PHF2: variants seen among roughly 807,000 people sequenced by gnomAD.
The protein encoded by PHF2 is lysine-specific demethylase PHF2.
Under a neutral mutation model 120.5 loss-of-function variants are expected in PHF2, and 27 were observed. That is an observed-to-expected ratio of 0.22 (90% CI 0.17 to 0.31). PHF2 has a LOEUF of 0.31. PHF2 is among the 10% of genes least tolerant of loss of function. The pLI, the probability that PHF2 is intolerant of heterozygous loss-of-function variation, is 1.00. For synonymous variants in PHF2, 568 were observed against 592.5 expected (o/e 0.96, Z 0.60); for missense variants, 1,024 against 1,434.8 (o/e 0.71, Z 4.63).
chr9:93,673,590 C>A lies in PHF2; in HGVS notation c.2354C>A (p.Pro785His). The part of the protein sequence containing the change: ...GALEYNPSSQ[P>H]PASPSTQEAI... ...CTGTCTCTCTGTGCCCCTAGCCAGC[C>A]CCCGGCCTCCCCCAGCACACAGGAA... is the stretch of plus-strand genomic sequence containing the variant. Residue 785 changes from proline to histidine, a missense_variant, in exon 18 of 22, where the codon CCC (proline) becomes CAC (histidine). Coordinates refer to ENST00000359246, the MANE Select transcript of PHF2 (RefSeq NM_005392.4). 6.4e-7 allele frequency: 1 copy of A among 1,563,322 alleles called. No individual in the cohort carries two copies.
intron 1 of PHF2, among the ~76,000 whole-genome samples, chr9:93,612,708 T>C (rs1226644839): frequency 6.6e-6 from 1 of 152,212 alleles, no homozygotes; most frequent in Non-Finnish European, 1.5e-5. Context: ...TTTTGAGTCT[T>C]GATGTTTTTC....
intron 1 of PHF2, among the ~76,000 whole-genome samples, chr9:93,604,210 C>T (rs574790037): frequency 1.3e-5 from 2 of 152,176 alleles, no homozygotes; most frequent in South Asian, 4.1e-4. Context: ...GCAAGGGTGG[C>T]ATAGTGCAGG....
At position 93,673,748 on chromosome 9, in the gene PHF2, G is replaced by T; in HGVS notation, c.2512G>T (p.Gly838Cys). The change falls in exon 18 of 22, where the codon GGC becomes TGC. Residue 838 changes from glycine (G) to cysteine (C), a missense_variant. Gly to Cys is a radical substitution (Grantham distance 159). Transcript: ENST00000359246. Reference protein sequence around the residue: ...HGARKNGGGSGKSAGKRLLKR... With the variant: ...HGARKNGGGSCKSAGKRLLKR... ...TGCCCGGAAGAATGGGGGTGGCAGT[G>T]GCAAGAGTGCAGGCAAACGACTGCT... The T allele has an allele frequency of 6.2e-7, 1 of 1,613,466 alleles. No individual in the cohort carries two copies. Among genetic ancestry groups the T allele is most frequent in the Non-Finnish European group, 8.5e-7 (1 of 1,179,804 alleles).
At chr9:93,578,170 ATGTC>A (rs939386721) in intron 1 of PHF2, among the ~76,000 whole-genome samples, 2 of 152,148 alleles carry the variant, frequency 1.3e-5, no homozygotes, top group African/African-American at 4.8e-5. Flanking sequence ...AGGGCCTGCT[ATGTC>A]TGTCAGCCCC....
intron 17 of PHF2, among the ~76,000 whole-genome samples, chr9:93,670,293 G>A (rs944005243): frequency 1.3e-5 from 2 of 152,226 alleles, no homozygotes; most frequent in African/African-American, 4.8e-5. Context: ...GGGCTGCCTT[G>A]TCCTGGGGCC....
At chr9:93,655,237 C>T (rs1440480073) in intron 7 of PHF2, among the ~76,000 whole-genome samples, 4 of 150,726 alleles carry the variant, frequency 2.7e-5, no homozygotes, top group Non-Finnish European at 5.9e-5. Context: ...ATCAAATAGC[C>T]AATTGGTGTT....
chr9:93,630,216 C>T (rs1297946112), intron 2 of PHF2, among the ~76,000 whole-genome samples, 161 bp downstream of exon 2: 2 of 152,228 alleles, frequency 1.3e-5, no homozygotes, highest in Non-Finnish European at 2.9e-5. Context: ...GCCAGCCTAG[C>T]TTACTGTCCC....
rs893637981 is a variant in PHF2 at position 93,581,399 on chromosome 9, A to T, written c.98+4528A>T. Among the ~76,000 whole-genome samples the T allele has an allele frequency of 5.3e-5, 8 of 152,196 alleles. No individual in the cohort carries two copies. The East Asian group carries it at 1.5e-3, about 29-fold the overall frequency. ...CTGACAGTTAAATCCTAGAACCTCAAATGCCGGGGAGTACTGGGGGAAGGG... is the reference window on the plus strand; with the variant it reads ...CTGACAGTTAAATCCTAGAACCTCATATGCCGGGGAGTACTGGGGGAAGGG... On this transcript the variant is annotated intron_variant, in intron 1 of 21. Transcript: ENST00000359246.
chr9:93,620,519 G>A (rs554215894), intron 1 of PHF2, among the ~76,000 whole-genome samples: 2 of 152,374 alleles, frequency 1.3e-5, no homozygotes, highest in East Asian at 1.9e-4. Flanking sequence ...GGTGGCCCAC[G>A]ATGGGCTTCC....
At chr9:93,606,131 A>C (rs1825538852) in intron 1 of PHF2, among the ~76,000 whole-genome samples, 1 of 151,998 alleles carries the variant, frequency 6.6e-6, no homozygotes, top group South Asian at 2.1e-4. Flanking sequence ...CACCGTGCTC[A>C]GCTAATTTTT....
chr9:93,623,659 C>T (rs1253459678), intron 1 of PHF2, among the ~76,000 whole-genome samples: 1 of 152,222 alleles, frequency 6.6e-6, no homozygotes, highest in Admixed American at 6.5e-5. Flanking sequence ...TATGAAGATG[C>T]TCTCACTTTG....
At chr9:93,653,562 C>A (rs914345456) in intron 6 of PHF2, among the ~76,000 whole-genome samples, 197 bp downstream of exon 6, 1 of 152,188 alleles carries the variant, frequency 6.6e-6, no homozygotes, top group Non-Finnish European at 1.5e-5. Flanking sequence ...ACCAGAGAAC[C>A]GCATGAGTGT....
In PHF2 at chr9:93,676,711, G is replaced by A. The variant is rs780636191; in HGVS notation, c.2950G>A (p.Ala984Thr). ...AGTTSTSTTPASTTPASTTPA... is the reference protein window; with the variant it reads ...AGTTSTSTTPTSTTPASTTPA... ...CACCACCTCCACCTCCACCACGCCA[G>A]CCTCTACCACCCCGGCCTCCACCAC... The change falls in exon 21 of 22, where the codon GCC becomes ACC. Residue 984 changes from alanine to threonine, a missense_variant. Ala to Thr is a moderately conservative substitution (Grantham distance 58). Coordinates refer to ENST00000359246, the MANE Select transcript of PHF2 (RefSeq NM_005392.4). The A allele has an allele frequency of 3.2e-6, 5 of 1,563,616 alleles. No individual in the cohort carries two copies. In the South Asian group the frequency reaches 4.7e-5, roughly 15 times the overall value.
intron 3 of PHF2, among the ~76,000 whole-genome samples, chr9:93,642,676 C>T (rs1330828416): frequency 6.6e-6 from 1 of 152,178 alleles, no homozygotes; most frequent in Non-Finnish European, 1.5e-5. Context: ...GATATTGCCT[C>T]TAGATGTACA....
rs1307036095 is a variant in PHF2 at position 93,588,936 on chromosome 9, G to A, written c.98+12065G>A. ...AAAACACCCTATGAAGTCTCTGTTC[G>A]TGGCCCTGAAGGCAATGCCAGGAGT... is the stretch of plus-strand genomic sequence containing the variant. On this transcript the variant is annotated intron_variant, in intron 1 of 21. Transcript: ENST00000359246. Among the ~76,000 whole-genome samples, 8 of 152,136 alleles carry A rather than the reference G, an allele frequency of 5.3e-5. No homozygotes were observed. In the South Asian group the frequency reaches 6.2e-4, roughly 12 times the overall value.
intron 1 of PHF2, among the ~76,000 whole-genome samples, chr9:93,627,115 T>C (rs557359019): frequency 6.6e-6 from 1 of 152,368 alleles, no homozygotes; most frequent in Admixed American, 6.5e-5. Context: ...TTAACACTAT[T>C]AAGTCTTGCA....
At chr9:93,582,922 A>C (rs143256834) in intron 1 of PHF2, among the ~76,000 whole-genome samples, 28 of 152,374 alleles carry the variant, frequency 1.8e-4, no homozygotes, top group African/African-American at 6.7e-4. Context: ...TGAAATTCAT[A>C]TAAAATTAAC....
intron 1 of PHF2, among the ~76,000 whole-genome samples, chr9:93,609,555 T>C (rs1373446619): frequency 7.2e-6 from 1 of 138,662 alleles, no homozygotes; most frequent in Non-Finnish European, 1.5e-5. Context: ...CTAGGTTGGT[T>C]TTTTTTTTTT....
At position 93,674,978 on chromosome 9, in the gene PHF2, C is replaced by T. The variant is rs149241220; in HGVS notation, c.2678C>T (p.Ser893Leu). Residue 893 changes from serine to leucine, a missense_variant, in exon 19 of 22, where the codon TCG becomes TTG. Ser to Leu is a moderately radical substitution (Grantham distance 145, BLOSUM62 -2). Coordinates refer to ENST00000359246, the MANE Select transcript of PHF2 (RefSeq NM_005392.4). ...GACAACCCCATCTTTAAGTCCCGGTCGAAGAAAAGGAAAGGCTCAGACGAC... is the reference window on the plus strand; with the variant it reads ...GACAACCCCATCTTTAAGTCCCGGTTGAAGAAAAGGAAAGGCTCAGACGAC... The part of the protein sequence containing the change: ...DEDNPIFKSR[S>L]KKRKGSDDAP... 5 of 1,613,740 alleles carry T rather than the reference C, an allele frequency of 3.1e-6. No individual in the cohort carries two copies. Among genetic ancestry groups the T allele is most frequent in the South Asian group, 1.1e-5 (1 of 91,060 alleles).
Sources: allele counts gnomAD v4.1 joint callset (sites outside exome capture counted in the v4.1 genomes callset), GRCh38; gene constraint gnomAD v4.1.1; transcripts MANE v1.5; gene names NCBI Gene and HGNC (gene_info 2026-07-23, HGNC 2026-07-21).